AFG2A: variants seen among roughly 807,000 people sequenced by gnomAD.
The protein encoded by AFG2A is AAA ATPase AFG2A.
the AFG2A span, among the ~76,000 whole-genome samples, chr4:122,978,361 G>C: frequency 6.6e-6 from 1 of 152,218 alleles, no homozygotes; most frequent in African/African-American, 2.4e-5. Flanking sequence ...ACCCAGGGTG[G>C]GTAGCTCCTT....
At chr4:123,220,382 T>C in the AFG2A span, among the ~76,000 whole-genome samples, 1 of 151,486 alleles carries the variant, frequency 6.6e-6, no homozygotes, top group African/African-American at 2.4e-5. Context: ...GAGGCTGAGG[T>C]GGACGCATCA....
At chr4:123,071,727 C>T in the AFG2A span, among the ~76,000 whole-genome samples, 1 of 152,268 alleles carries the variant, frequency 6.6e-6, no homozygotes, top group East Asian at 1.9e-4. Flanking sequence ...GTGTGTCTTT[C>T]TGCATTTATA....
the AFG2A span, among the ~76,000 whole-genome samples, chr4:123,191,555 C>A: frequency 6.6e-6 from 1 of 152,066 alleles, no homozygotes; most frequent in Non-Finnish European, 1.5e-5. Flanking sequence ...GGTACATTCT[C>A]CAGTAATAAA....
At chr4:123,144,126 A>G in the AFG2A span, among the ~76,000 whole-genome samples, 1 of 151,664 alleles carries the variant, frequency 6.6e-6, no homozygotes, top group Non-Finnish European at 1.5e-5. Context: ...AAACTCAAGA[A>G]TAATCTACAC....
the AFG2A span, among the ~76,000 whole-genome samples, chr4:123,125,653 A>G: frequency 6.6e-6 from 1 of 152,004 alleles, no homozygotes; most frequent in East Asian, 1.9e-4. Context: ...GAAACCCTGT[A>G]CCCTATTAGC....
chr4:123,154,371 C>T, the AFG2A span, among the ~76,000 whole-genome samples: 1 of 151,950 alleles, frequency 6.6e-6, no homozygotes, highest in Non-Finnish European at 1.5e-5. Flanking sequence ...GGAAACATAT[C>T]CTTATAAGCT....
the AFG2A span, among the ~76,000 whole-genome samples, chr4:123,173,340 G>GTTTTTTTTTTTTTTTTT: frequency 1.1e-4 from 8 of 70,270 alleles, no homozygotes; most frequent in Non-Finnish European, 1.5e-4. Flanking sequence ...AAGTCCAATG[G>GTTTTTTTTTTTTTTTTT]TTTTTTTTTT....
chr4:123,240,350 A>G, the AFG2A span, among the ~76,000 whole-genome samples: 4 of 152,130 alleles, frequency 2.6e-5, no homozygotes, highest in Admixed American at 6.5e-5. Context: ...CCACGTCGCA[A>G]TTACTCTAAA....
the AFG2A span, among the ~76,000 whole-genome samples, chr4:123,111,849 G>A: frequency 6.6e-6 from 1 of 151,958 alleles, no homozygotes; most frequent in South Asian, 2.1e-4. Flanking sequence ...TCATTCTTCT[G>A]CCTCAGCCTT....
At chr4:123,119,949 T>TA in the AFG2A span, among the ~76,000 whole-genome samples, 1 of 152,014 alleles carries the variant, frequency 6.6e-6, no homozygotes, top group Non-Finnish European at 1.5e-5. Context: ...ACCATAAACT[T>TA]ATAAAACCAT....
chr4:123,002,509 A>G, the AFG2A span, among the ~76,000 whole-genome samples: 178 of 152,182 alleles, frequency 1.2e-3, no homozygotes, highest in African/African-American at 4.1e-3. Flanking sequence ...GGTGGTGACA[A>G]AATCTCTCAG....
the AFG2A span, among the ~76,000 whole-genome samples, chr4:123,037,057 C>A: frequency 6.6e-6 from 1 of 151,938 alleles, no homozygotes; most frequent in Non-Finnish European, 1.5e-5. Flanking sequence ...GGTTAACGTG[C>A]CTTCCCCAGA....
the AFG2A span, among the ~76,000 whole-genome samples, chr4:123,218,901 A>G: frequency 2.6e-5 from 4 of 152,250 alleles, no homozygotes; most frequent in South Asian, 4.1e-4. Context: ...ATACCCTAGC[A>G]TATCTAAATC....
the AFG2A span, among the ~76,000 whole-genome samples, chr4:123,311,203 T>C: frequency 6.6e-6 from 1 of 152,202 alleles, no homozygotes; most frequent in Non-Finnish European, 1.5e-5. Context: ...TGACATATAC[T>C]AGAGGCCCCA....
chr4:122,991,900 T>C, the AFG2A span, among the ~76,000 whole-genome samples: 1 of 152,312 alleles, frequency 6.6e-6, no homozygotes, highest in South Asian at 2.1e-4. Flanking sequence ...AAACCTTGGC[T>C]GATTATTATG....
chr4:123,057,804 AAT>A, the AFG2A span, among the ~76,000 whole-genome samples: 27 of 125,220 alleles, frequency 2.2e-4, no homozygotes, highest in Non-Finnish European at 2.9e-4. Flanking sequence ...ATTTCAAACA[AAT>A]ATATACACAC....
chr4:123,264,925 ATATGTAG>A, the AFG2A span, among the ~76,000 whole-genome samples: 1 of 152,110 alleles, frequency 6.6e-6, no homozygotes, highest in Non-Finnish European at 1.5e-5. Context: ...ACCTCCAGGG[ATATGTAG>A]TATGGTTATG....
the AFG2A span, chr4:122,938,053 A>T: frequency 5.5e-5 from 76 of 1,375,944 alleles, no homozygotes; most frequent in Non-Finnish European, 6.5e-5. Flanking sequence ...CATTTCAGTT[A>T]AAAAAATTAA....
chr4:123,173,612 C>T, the AFG2A span, among the ~76,000 whole-genome samples: 1 of 151,948 alleles, frequency 6.6e-6, no homozygotes, highest in African/African-American at 2.4e-5. Context: ...TCTCAGCCTC[C>T]CAAAGTGCTG....
Sources: gnomAD v4.1 joint callset for allele counts (sites outside exome capture counted in the v4.1 genomes callset) on GRCh38, gnomAD v4.1.1 for gene constraint, MANE v1.5 for transcripts, NCBI Gene and HGNC (gene_info 2026-07-23, HGNC 2026-07-21) for gene names.